Variants in SLC25A13 observed in about 807,000 individuals in gnomAD.
SLC25A13 encodes the protein electrogenic aspartate/glutamate antiporter SLC25A13, mitochondrial.
Under a neutral mutation model 85.5 loss-of-function variants are expected in SLC25A13, and 70 were observed. That is an observed-to-expected ratio of 0.82 (90% CI 0.68 to 1.00). The LOEUF (loss-of-function observed/expected upper bound fraction) is 1.00, where lower values mean the gene tolerates loss of function less well. Ranked by LOEUF, SLC25A13 falls within the 50% of genes least tolerant of loss-of-function variation. The probability of loss-of-function intolerance (pLI) is 0.00; values close to 1 mark genes in which losing one functional copy is unlikely to be tolerated. For synonymous variants in SLC25A13, 259 were observed against 288.7 expected (o/e 0.90, Z 1.04); for missense variants, 765 against 819.8 (o/e 0.93, Z 0.82).
At chr7:96,280,467 G>C (rs77499248) in intron 2 of SLC25A13, among the ~76,000 whole-genome samples, 3,096 of 152,194 alleles carry the variant, frequency 0.02, 69 homozygotes, top group African/African-American at 0.054. Context: ...TGTCATCCCA[G>C]CACTTTGGGA....
At chr7:96,302,133 T>C (rs112715407) in intron 1 of SLC25A13, among the ~76,000 whole-genome samples, 111 of 152,316 alleles carry the variant, frequency 7.3e-4, no homozygotes, top group African/African-American at 2.6e-3. Flanking sequence ...AAGTCATCAA[T>C]AGCGTTTGCA....
intron 4 of SLC25A13, among the ~76,000 whole-genome samples, chr7:96,229,386 T>C (rs1796443762): frequency 6.6e-6 from 1 of 152,108 alleles, no homozygotes. Flanking sequence ...ATCAGCTCTC[T>C]GTAAAACAGA....
intron 14 of SLC25A13, among the ~76,000 whole-genome samples, chr7:96,142,646 A>G (rs113565039): frequency 0.043 from 6,480 of 152,276 alleles, 371 homozygotes; most frequent in African/African-American, 0.13. Flanking sequence ...ATATTAATAT[A>G]AAATCTTCAG....
In SLC25A13 at chr7:96,189,385, G is replaced by A; in HGVS notation, c.849-7C>T. 1.2e-6 allele frequency: 2 copies of A among 1,613,422 alleles called. No homozygotes were observed. Among genetic ancestry groups the A allele is most frequent in the African/African-American group, 1.3e-5 (1 of 74,950 alleles). On this transcript the variant is annotated splice_region_variant and splice_polypyrimidine_tract_variant and intron_variant, in intron 8 of 17. Coordinates refer to ENST00000265631, the MANE Select transcript of SLC25A13 (RefSeq NM_014251.3). Reference sequence around the variant, plus strand: ...GTCTGCTAAGGTCATACGTCTGTAGGGGAAAAACAAACACAAGCAACAAAT... The same window carrying A: ...GTCTGCTAAGGTCATACGTCTGTAGAGGAAAAACAAACACAAGCAACAAAT...
At chr7:96,319,870 T>C (rs1800272963) in intron 1 of SLC25A13, among the ~76,000 whole-genome samples, 1 of 152,164 alleles carries the variant, frequency 6.6e-6, no homozygotes, top group Non-Finnish European at 1.5e-5. Context: ...GTAGTAAAAA[T>C]GAACATTTCA....
chr7:96,207,282 CAA>C (rs1035064894), intron 5 of SLC25A13, among the ~76,000 whole-genome samples: 1 of 152,040 alleles, frequency 6.6e-6, no homozygotes, highest in African/African-American at 2.4e-5. Flanking sequence ...CATGAAAATT[CAA>C]AAAGAGAAGT....
intron 3 of SLC25A13, among the ~76,000 whole-genome samples, chr7:96,267,052 A>AGAAAACTTT (rs1562889388): frequency 6.6e-6 from 1 of 152,234 alleles, no homozygotes; most frequent in Non-Finnish European, 1.5e-5. Context: ...CTAATAGTAT[A>AGAAAACTTT]GAAAACTTTC....
chr7:96,292,076 C>G (rs180723930), intron 2 of SLC25A13, among the ~76,000 whole-genome samples: 2 of 152,170 alleles, frequency 1.3e-5, no homozygotes, highest in Non-Finnish European at 2.9e-5. Context: ...AAATGCTTAT[C>G]CACCATGATA....
chr7:96,238,531 G>A (rs947683803), intron 3 of SLC25A13, among the ~76,000 whole-genome samples: 7 of 152,236 alleles, frequency 4.6e-5, no homozygotes, highest in Middle Eastern at 3.4e-3. Flanking sequence ...GTGAATAAAA[G>A]TGCCCACAAG....
At chr7:96,212,385 G>A (rs1477808021) in intron 4 of SLC25A13, among the ~76,000 whole-genome samples, 2 of 152,198 alleles carry the variant, frequency 1.3e-5, no homozygotes, top group African/African-American at 4.8e-5. Flanking sequence ...CTACATCCAA[G>A]TCTAATACTT....
At chr7:96,189,722 A>G in intron 7 of SLC25A13, 48 bp from the exon 8 acceptor site, 1 of 1,492,796 alleles carries the variant, frequency 6.7e-7, no homozygotes, top group Non-Finnish European at 9.3e-7. Context: ...AGAAATAGCC[A>G]CTAAATTCAG....
chr7:96,317,385 A>G (rs1231556815), intron 1 of SLC25A13, among the ~76,000 whole-genome samples: 1 of 152,124 alleles, frequency 6.6e-6, no homozygotes, highest in African/African-American at 2.4e-5. Context: ...ATCAACAACG[A>G]AACACAGTTG....
At chr7:96,144,047 GCT>G (rs1301811764) in intron 14 of SLC25A13, among the ~76,000 whole-genome samples, 2 of 152,120 alleles carry the variant, frequency 1.3e-5, no homozygotes, top group African/African-American at 4.8e-5. Context: ...AAACAGAAAA[GCT>G]TTATTACTAA....
chr7:96,141,849 G>A (rs547791212), intron 14 of SLC25A13, among the ~76,000 whole-genome samples: 15 of 152,304 alleles, frequency 9.8e-5, no homozygotes, highest in African/African-American at 3.1e-4. Flanking sequence ...ACACTAAAAA[G>A]TGCACATGTC....
At chr7:96,195,817 C>T (rs766358246) in intron 5 of SLC25A13, among the ~76,000 whole-genome samples, 7 of 152,186 alleles carry the variant, frequency 4.6e-5, no homozygotes, top group African/African-American at 1.7e-4. Flanking sequence ...ACCACTTAGG[C>T]AAATATAACC....
At chr7:96,185,900 AAAAAT>A (rs200051103) in intron 9 of SLC25A13, among the ~76,000 whole-genome samples, 1,939 of 151,966 alleles carry the variant, frequency 0.013, 40 homozygotes, top group African/African-American at 0.045. Context: ...ACTGTATCAA[AAAAAT>A]AAAATAAAAT....
intron 1 of SLC25A13, among the ~76,000 whole-genome samples, chr7:96,299,673 TAC>T: frequency 6.6e-6 from 1 of 152,334 alleles, no homozygotes; most frequent in African/African-American, 2.4e-5. Context: ...GGCAATATAA[TAC>T]AGTCATGCAT....
intron 14 of SLC25A13, among the ~76,000 whole-genome samples, chr7:96,142,291 C>T (rs1477333319): frequency 3.3e-5 from 5 of 152,150 alleles, no homozygotes; most frequent in African/African-American, 7.2e-5. Flanking sequence ...TCCCTTCCTC[C>T]TGTTGGTGTC....
intron 13 of SLC25A13, among the ~76,000 whole-genome samples, chr7:96,148,346 C>T (rs1317943283): frequency 6.6e-6 from 1 of 152,188 alleles, no homozygotes; most frequent in East Asian, 1.9e-4. Flanking sequence ...TGCTCAGATG[C>T]TGCTGCTGCA....
Sources: gnomAD v4.1 joint callset for allele counts (sites outside exome capture counted in the v4.1 genomes callset) on GRCh38, gnomAD v4.1.1 for gene constraint, MANE v1.5 for transcripts, NCBI Gene and HGNC (gene_info 2026-07-23, HGNC 2026-07-21) for gene names.